Variants in FARS2 observed in about 807,000 individuals in gnomAD.
FARS2 encodes phenylalanine--tRNA ligase, mitochondrial.
FARS2 carries 40 observed loss-of-function variants against 46.4 expected under a neutral mutation model. The ratio of observed to expected loss-of-function variants is 0.86; its 90% CI spans 0.67 to 1.12. The LOEUF (loss-of-function observed/expected upper bound fraction) is 1.12. FARS2 is among the 50% of genes most tolerant of loss of function. The pLI, the probability that FARS2 is intolerant of heterozygous loss-of-function variation, is 0.00. For missense variants in FARS2, 513 were observed against 567.9 expected (o/e 0.90, Z 0.98); for synonymous variants, 234 against 214.9 (o/e 1.09, Z -0.78).
At chr6:5,376,287 A>G (rs1477210257) in intron 2 of FARS2, among the ~76,000 whole-genome samples, 1 of 152,220 alleles carries the variant, frequency 6.6e-6, no homozygotes, top group Non-Finnish European at 1.5e-5. Flanking sequence ...TGGCTGATAA[A>G]CAAGGACCAG....
intron 5 of FARS2, among the ~76,000 whole-genome samples, chr6:5,577,107 G>A (rs966070071): frequency 1.3e-5 from 2 of 152,126 alleles, no homozygotes; most frequent in Non-Finnish European, 2.9e-5. Context: ...TCCTAGCCAG[G>A]AGGGTACTTT....
intron 1 of FARS2, among the ~76,000 whole-genome samples, chr6:5,298,882 A>AAAAAT: frequency 6.6e-6 from 1 of 151,764 alleles, no homozygotes; most frequent in Non-Finnish European, 1.5e-5. Context: ...AAAAAAAAAA[A>AAAAAT]AGATACAAAA....
rs1214918899 is a variant in FARS2 at position 5,443,018 on chromosome 6, AAGCCG to A, written c.904+11849_904+11853del. Among the ~76,000 whole-genome samples the A allele has an allele frequency of 2.6e-5, 4 of 152,226 alleles. No homozygotes were observed. The East Asian group carries it at 5.8e-4, about 22-fold the overall frequency. ...TTTCTAGATATAAGAAACATCTGGA[AAGCCG>A]AGATTCTGTCCTGTATGTTCATTTC... is the stretch of plus-strand genomic sequence containing the variant. On this transcript the variant is annotated intron_variant, in intron 4 of 6. Transcript: ENST00000274680.
intron 6 of FARS2, among the ~76,000 whole-genome samples, 188 bp from the exon 7 acceptor site, chr6:5,771,103 C>T (rs183666532): frequency 3.3e-5 from 5 of 152,176 alleles, no homozygotes; most frequent in African/African-American, 2.4e-5. Context: ...TTTAGTCAAG[C>T]GAATGTTTCC....
At chr6:5,616,185 C>A (rs775382324) in intron 6 of FARS2, among the ~76,000 whole-genome samples, 1 of 152,060 alleles carries the variant, frequency 6.6e-6, no homozygotes, top group Non-Finnish European at 1.5e-5. Flanking sequence ...TTGGAGCTTG[C>A]AGATGATATC....
At chr6:5,598,815 G>T (rs1774348093) in intron 5 of FARS2, among the ~76,000 whole-genome samples, 1 of 152,090 alleles carries the variant, frequency 6.6e-6, no homozygotes, top group Non-Finnish European at 1.5e-5. Flanking sequence ...GATTCAAGGG[G>T]GTCCAGTCTG....
intron 1 of FARS2, among the ~76,000 whole-genome samples, chr6:5,323,548 G>C (rs891571887): frequency 2.0e-5 from 3 of 152,138 alleles, no homozygotes; most frequent in African/African-American, 7.2e-5. Context: ...TTTTGATTAT[G>C]AGTTTCTGTT....
intron 4 of FARS2, among the ~76,000 whole-genome samples, chr6:5,461,729 G>C (rs559347923): frequency 1.3e-5 from 2 of 152,274 alleles, no homozygotes; most frequent in South Asian, 4.1e-4. Context: ...ACTTAGCACA[G>C]TGTTTTGCGG....
In FARS2 at chr6:5,771,521, A is replaced by G. The variant is rs1582911829; in HGVS notation, c.*92A>G. On this transcript the variant is annotated 3_prime_UTR_variant, in exon 7 of 7. Coordinates refer to ENST00000274680, the MANE Select transcript of FARS2 (RefSeq NM_006567.5). ...TGGTTTGTGAACTGGGGCATCAATC[A>G]TCTTTTGATAAATGGATCAGTTTTA... is the stretch of plus-strand genomic sequence containing the variant. 3 of 1,345,672 alleles carry G rather than the reference A, an allele frequency of 2.2e-6. No individual in the cohort carries two copies. The East Asian group carries it at 7.0e-5, about 31-fold the overall frequency. The allele number at this position is 1,345,672 out of a possible 1,614,324, so 83.4% of individuals were successfully genotyped here. A position where few individuals can be genotyped will look rare whatever the true frequency, so the allele number is the denominator to read the frequency against.
In FARS2 at chr6:5,283,390, A is replaced by C. The variant is rs554385402; in HGVS notation, c.-22+21730A>C. Among the ~76,000 whole-genome samples, 7 of 151,130 alleles carry C rather than the reference A, an allele frequency of 4.6e-5. No homozygotes were observed. The East Asian group carries it at 9.7e-4, about 21-fold the overall frequency. Reference sequence around the variant, plus strand: ...CTCCTGTCTCAAAAAAAAAAAAAAAAAAAAACAAATTAGCCAGGCGTCTTG... The same window carrying C: ...CTCCTGTCTCAAAAAAAAAAAAAAACAAAAACAAATTAGCCAGGCGTCTTG... On this transcript the variant is annotated intron_variant, in intron 1 of 6. Transcript: ENST00000274680.
chr6:5,686,984 G>A (rs1365411355), intron 6 of FARS2, among the ~76,000 whole-genome samples: 1 of 152,212 alleles, frequency 6.6e-6, no homozygotes. Context: ...GTGTCTGTTG[G>A]CTGCATAGAT....
chr6:5,380,941 A>G (rs1271372105), intron 2 of FARS2, among the ~76,000 whole-genome samples: 1 of 151,676 alleles, frequency 6.6e-6, no homozygotes, highest in Admixed American at 6.6e-5. Flanking sequence ...ATATAATCTT[A>G]TATAAGATCA....
intron 4 of FARS2, among the ~76,000 whole-genome samples, chr6:5,436,164 G>A (rs1221452237): frequency 2.6e-5 from 4 of 152,204 alleles, no homozygotes; most frequent in Non-Finnish European, 5.9e-5. Flanking sequence ...GTGGTGCCAG[G>A]CCTTTCCCTG....
chr6:5,439,555 T>G (rs908816377), intron 4 of FARS2, among the ~76,000 whole-genome samples: 3 of 152,234 alleles, frequency 2.0e-5, no homozygotes, highest in Non-Finnish European at 4.4e-5. Context: ...CTCTGTTAGT[T>G]GTTTAGAGAT....
At chr6:5,552,562 C>T (rs1022676004) in intron 5 of FARS2, among the ~76,000 whole-genome samples, 2 of 152,224 alleles carry the variant, frequency 1.3e-5, no homozygotes, top group African/African-American at 4.8e-5. Context: ...GTGCTAGCAA[C>T]AGTCTCTGAT....
intron 4 of FARS2, among the ~76,000 whole-genome samples, chr6:5,520,858 A>G (rs1484311179): frequency 6.6e-6 from 1 of 152,208 alleles, no homozygotes; most frequent in Admixed American, 6.5e-5. Context: ...ATTGACATGT[A>G]TGTGTGTTAG....
chr6:5,410,954 CACAG>C (rs1173466139), intron 3 of FARS2, among the ~76,000 whole-genome samples: 1 of 152,144 alleles, frequency 6.6e-6, no homozygotes, highest in African/African-American at 2.4e-5. Flanking sequence ...ATGTAAAAAT[CACAG>C]GGCTGGTAAG....
At chr6:5,315,104 G>T (rs925613261) in intron 1 of FARS2, among the ~76,000 whole-genome samples, 4 of 152,160 alleles carry the variant, frequency 2.6e-5, no homozygotes, top group African/African-American at 9.7e-5. Context: ...TGTAAAGTAA[G>T]TTTTCTATGT....
chr6:5,435,693 T>C (rs1763480591), intron 4 of FARS2, among the ~76,000 whole-genome samples: 1 of 152,138 alleles, frequency 6.6e-6, no homozygotes, highest in African/African-American at 2.4e-5. Flanking sequence ...TCTTTTCACA[T>C]AGTAAATGGA....
Sources: allele counts gnomAD v4.1 joint callset (sites outside exome capture counted in the v4.1 genomes callset), GRCh38; gene constraint gnomAD v4.1.1; transcripts MANE v1.5; gene names NCBI Gene and HGNC (gene_info 2026-07-23, HGNC 2026-07-21).